KNDC1: variants seen among roughly 807,000 people sequenced by gnomAD.
The protein encoded by KNDC1 is kinase non-catalytic C-lobe domain-containing protein 1.
Under a neutral mutation model 172.8 loss-of-function variants are expected in KNDC1, and 106 were observed. That is an observed-to-expected ratio of 0.61 (90% confidence interval 0.52 to 0.72). KNDC1 has a LOEUF of 0.72. Among genes scored for constraint, KNDC1 ranks in the 30% least tolerant of loss-of-function variants. The probability of loss-of-function intolerance (pLI) is 0.00; values close to 1 mark genes in which losing one functional copy is unlikely to be tolerated. For synonymous variants in KNDC1, 1,083 were observed against 1,062.2 expected, an observed-to-expected ratio of 1.02 and a Z score of -0.38; for missense variants, 2,325 against 2,394.5, an observed-to-expected ratio of 0.97 and a Z score of 0.61.
At chr10:133,182,304 A>G (rs1383503219) in intron 3 of KNDC1, among the ~76,000 whole-genome samples, 1 of 137,784 alleles carries the variant, frequency 7.3e-6, no homozygotes, top group Non-Finnish European at 1.5e-5. Context: ...CAGGACACGG[A>G]TGCGCGTCCA....
At chr10:133,217,896 G>C (rs967097119) in intron 26 of KNDC1, among the ~76,000 whole-genome samples, 1 of 151,986 alleles carries the variant, frequency 6.6e-6, no homozygotes, top group African/African-American at 2.4e-5. Flanking sequence ...CCAACATGGG[G>C]AAACCCTGTC....
At chr10:133,162,703 C>T (rs1366843023) in intron 1 of KNDC1, among the ~76,000 whole-genome samples, 1 of 152,368 alleles carries the variant, frequency 6.6e-6, no homozygotes, top group East Asian at 1.9e-4. Context: ...GAGCGGACAG[C>T]GGCTTGTGCT....
At chr10:133,165,854 G>A (rs1038107054) in intron 1 of KNDC1, among the ~76,000 whole-genome samples, 5 of 152,154 alleles carry the variant, frequency 3.3e-5, no homozygotes, top group African/African-American at 9.7e-5. Context: ...GATCGATCAC[G>A]GGCCACAGGA....
chr10:133,220,839 G>A (rs898239675), intron 29 of KNDC1, among the ~76,000 whole-genome samples: 1 of 151,732 alleles, frequency 6.6e-6, no homozygotes, highest in African/African-American at 2.4e-5. Context: ...TCAGGTGGCC[G>A]CGCATCCAGC....
intron 29 of KNDC1, among the ~76,000 whole-genome samples, chr10:133,223,032 A>T (rs1258457385): frequency 3.9e-5 from 1 of 25,360 alleles, no homozygotes; most frequent in Non-Finnish European, 7.4e-5. Context: ...TGTGTGTGTG[A>T]GAGCCCATCC....
Position 133,197,120 on chromosome 10 carries a change from A to C in KNDC1, c.1797A>C (p.Arg599Ser). Residue 599 changes from arginine (R) to serine (S), a missense_variant, in exon 11 of 30, where the codon AGA becomes AGC. Coordinates refer to ENST00000304613, the MANE Select transcript of KNDC1 (RefSeq NM_152643.8). ...MDSRKILAHL[R>S]ASICQVYQEE... ...GCCGGAAAATCCTTGCCCACCTCAG[A>C]GCTTCCATCTGCCAGGTGGGCTAGA... 1 of 1,612,972 alleles carries C rather than the reference A, an allele frequency of 6.2e-7. No individual in the cohort carries two copies. Among genetic ancestry groups the C allele is most frequent in the Non-Finnish European group, 8.5e-7 (1 of 1,179,760 alleles).
At chr10:133,193,423 G>T (rs1334904018) in intron 9 of KNDC1, among the ~76,000 whole-genome samples, 1 of 152,190 alleles carries the variant, frequency 6.6e-6, no homozygotes, top group South Asian at 2.1e-4. Flanking sequence ...TACTTGGGAG[G>T]CTGAGGCAGA....
intron 21 of KNDC1, 39 bp downstream of exon 21, chr10:133,210,763 C>T (rs752898906): frequency 3.3e-6 from 5 of 1,531,392 alleles, no homozygotes; most frequent in Non-Finnish European, 4.5e-6. Flanking sequence ...CAGAGCTTCC[C>T]CCTGGGGCAG....
intron 17 of KNDC1, among the ~76,000 whole-genome samples, chr10:133,206,258 C>T (rs999451376): frequency 1.3e-5 from 2 of 152,250 alleles, no homozygotes; most frequent in East Asian, 1.9e-4. Flanking sequence ...TGAAGACACA[C>T]GGGATGCACG....
chr10:133,177,964 T>C (rs1369766281), intron 3 of KNDC1, among the ~76,000 whole-genome samples: 4 of 149,900 alleles, frequency 2.7e-5, no homozygotes, highest in African/African-American at 7.4e-5. Flanking sequence ...ATGATGTATG[T>C]GTGTAGCGTG....
rs2135994361 is a variant in KNDC1, at chr10:133,197,659, G to A, written c.1813-16G>A. The stretch of plus-strand genomic sequence containing the variant: ...CTCCGTGGTCACCTGGCCCAGGGCT[G>A]TCACCTCCTCCCCAGGTGTACCAGG... On this transcript the variant is annotated splice_polypyrimidine_tract_variant and intron_variant, in intron 11 of 29. Transcript: ENST00000304613. The A allele has an allele frequency of 6.2e-7, 1 of 1,605,178 alleles. No individual in the cohort carries two copies. The highest frequency in any genetic ancestry group is 8.5e-7 in the Non-Finnish European group (1 of 1,173,496).
chr10:133,211,190 C>T (rs1845355201), intron 21 of KNDC1, among the ~76,000 whole-genome samples: 1 of 152,042 alleles, frequency 6.6e-6, no homozygotes, highest in South Asian at 2.1e-4. Context: ...GCTGCCCCCC[C>T]AGGACACTCC....
At chr10:133,221,143 G>A (rs1284143082) in intron 29 of KNDC1, among the ~76,000 whole-genome samples, 1 of 152,086 alleles carries the variant, frequency 6.6e-6, no homozygotes, top group African/African-American at 2.4e-5. Flanking sequence ...CAGCACAGAG[G>A]CTGCCCGGCA....
chr10:133,222,844 CGT>C (rs57651544), intron 29 of KNDC1, among the ~76,000 whole-genome samples: 361 of 582 alleles, frequency 0.62, 160 homozygotes, highest in South Asian at 0.75. Context: ...CTCTTCCCGG[CGT>C]GTGTGTGTGT....
Position 133,200,569 on chromosome 10 carries a change from C to G in KNDC1, c.2989+109C>G, listed in dbSNP as rs568445538. The G allele has an allele frequency of 4.3e-5, 38 of 881,638 alleles. 1 individual carries two copies. The highest frequency in any genetic ancestry group is 8.1e-5 in the Admixed American group (2 of 24,544). 54.6% of individuals were successfully genotyped at this position (881,638 alleles called of 1,614,324 possible). On this transcript the variant is annotated intron_variant, in intron 16 of 29. Transcript: ENST00000304613. ...CCCAGCAGCCTCAGACTGCACTGCTCCAGCGGGGCTGCCTTTGCCCCGGGG... is the reference window on the plus strand; with the variant it reads ...CCCAGCAGCCTCAGACTGCACTGCTGCAGCGGGGCTGCCTTTGCCCCGGGG...
At chr10:133,174,009 C>T (rs1853453079) in intron 3 of KNDC1, 1 of 152,334 alleles carries the variant, frequency 6.6e-6, no homozygotes, top group Admixed American at 6.5e-5. Context: ...CTGGAAGACT[C>T]CGACCCCTCC....
At position 133,186,588 on chromosome 10, in the gene KNDC1, G is replaced by C; in HGVS notation, c.1240G>C (p.Asp414His). The C allele has an allele frequency of 1.2e-6, 2 of 1,604,976 alleles. No homozygotes were observed. Among genetic ancestry groups the C allele is most frequent in the Non-Finnish European group, 1.7e-6 (2 of 1,179,826 alleles). The change falls in exon 6 of 30, where the codon GAT becomes CAT. Residue 414 changes from aspartate (D) to histidine (H), a missense_variant. Physicochemically the swap from Asp to His is moderately conservative, Grantham distance 81. Coordinates refer to ENST00000304613, the MANE Select transcript of KNDC1 (RefSeq NM_152643.8). ...AGCAGAGGCCCCTGCAGACCCTCGA[G>C]ATGCTAGCGGTGAAGCCCAGACTCC... ...GPAEAPADPRDASGEAQTPRD... is the reference protein window; with the variant it reads ...GPAEAPADPRHASGEAQTPRD...
Position 133,183,881 on chromosome 10 carries a change from G to A in KNDC1, c.517G>A (p.Ala173Thr), listed in dbSNP as rs777184792. 63 of 1,590,670 alleles carry A rather than the reference G, an allele frequency of 4.0e-5. No individual in the cohort carries two copies. The highest frequency in any genetic ancestry group is 5.4e-5 in the African/African-American group (4 of 74,452). Reference protein sequence around the residue: ...GDRPDLESIIALCEEKLQLTS... With the variant: ...GDRPDLESIITLCEEKLQLTS... ...GTGTTCCCGTCCCCAGAGCATCATC[G>A]CGCTGTGTGAAGAGAAGCTGCAGCT... The change falls in exon 5 of 30, where the codon GCG (alanine) becomes ACG (threonine). Residue 173 changes from alanine to threonine, a missense_variant. Physicochemically the swap from Ala to Thr is moderately conservative, Grantham distance 58 (BLOSUM62 0). Coordinates refer to ENST00000304613, the MANE Select transcript of KNDC1 (RefSeq NM_152643.8).
In KNDC1 at chr10:133,226,166, G is replaced by C. The variant is rs779121235; in HGVS notation, c.*1276G>C. ...CGGGCCCCGCTTCGATGTAACATGA[G>C]AGGAAGTCGGCGTCCTGGCCACGAA... On this transcript the variant is annotated 3_prime_UTR_variant, in exon 30 of 30. Coordinates refer to ENST00000304613, the MANE Select transcript of KNDC1 (RefSeq NM_152643.8). 6.6e-6 allele frequency: 1 copy of C among 152,248 alleles called. No homozygotes were observed. The highest frequency in any genetic ancestry group is 1.5e-5 in the Non-Finnish European group (1 of 68,048). 9.4% of individuals were successfully genotyped at this position (152,248 alleles called of 1,614,324 possible).
Sources: allele counts gnomAD v4.1 joint callset (sites outside exome capture counted in the v4.1 genomes callset), GRCh38; gene constraint gnomAD v4.1.1; transcripts MANE v1.5; gene names NCBI Gene and HGNC (gene_info 2026-07-23, HGNC 2026-07-21).